PPP1R1C: variants seen among roughly 807,000 people sequenced by gnomAD.
PPP1R1C encodes protein phosphatase 1 regulatory inhibitor subunit 1C.
Under a neutral mutation model 17.4 loss-of-function variants are expected in PPP1R1C, and 15 were observed. That is an observed-to-expected ratio of 0.86 (90% CI 0.58 to 1.33). The LOEUF is 1.33. PPP1R1C is among the 40% of genes most tolerant of loss of function. The probability of loss-of-function intolerance (pLI) is 0.00; values close to 1 mark genes in which losing one functional copy is unlikely to be tolerated. For missense variants in PPP1R1C, 143 were observed against 130.0 expected, an observed-to-expected ratio of 1.10 and a Z score of -0.48; for synonymous variants, 35 against 43.1, an observed-to-expected ratio of 0.81 and a Z score of 0.73.
At chr2:182,125,137 T>C (rs983810812) in intron 5 of PPP1R1C, among the ~76,000 whole-genome samples, 1 of 152,168 alleles carries the variant, frequency 6.6e-6, no homozygotes, top group Non-Finnish European at 1.5e-5. Context: ...AAGGCCTTTT[T>C]CTGCATCTAT....
downstream of PPP1R1C, among the ~76,000 whole-genome samples, chr2:182,121,656 TTTTG>T (rs1469028980): frequency 4.0e-5 from 6 of 151,818 alleles, no homozygotes; most frequent in East Asian, 1.9e-4. Flanking sequence ...CCCAGCTGAT[TTTTG>T]TTTGTTTGTT....
At chr2:182,033,782 A>C (rs1270104451) in intron 2 of PPP1R1C, among the ~76,000 whole-genome samples, 1 of 152,166 alleles carries the variant, frequency 6.6e-6, no homozygotes, top group African/African-American at 2.4e-5. Context: ...AAAAGTTCCA[A>C]GCTCATTTGT....
At chr2:181,996,359 C>G (rs1483757366) in intron 2 of PPP1R1C, among the ~76,000 whole-genome samples, 5 of 152,164 alleles carry the variant, frequency 3.3e-5, no homozygotes, top group Non-Finnish European at 7.3e-5. Flanking sequence ...CCTTCTCCCT[C>G]CCAGTCTGTG....
At chr2:182,024,872 A>ACAAT (rs1237494412) in intron 2 of PPP1R1C, among the ~76,000 whole-genome samples, 2 of 151,750 alleles carry the variant, frequency 1.3e-5, no homozygotes, top group Non-Finnish European at 2.9e-5. Context: ...AAACAAACAA[A>ACAAT]CAAACAAACA....
At chr2:182,101,305 T>G (rs1215963110) in intron 4 of PPP1R1C, among the ~76,000 whole-genome samples, 2 of 152,172 alleles carry the variant, frequency 1.3e-5, no homozygotes, top group East Asian at 3.8e-4. Flanking sequence ...CCAATGGTGT[T>G]TTTGCTTTTA....
At chr2:182,127,122 A>G (rs574752104) in intron 5 of PPP1R1C, among the ~76,000 whole-genome samples, 35 of 152,218 alleles carry the variant, frequency 2.3e-4, no homozygotes, top group African/African-American at 7.7e-4. Flanking sequence ...AATTCTTCAG[A>G]CAAAGTGTTA....
rs576809900 is a variant in PPP1R1C at position 181,969,580 on chromosome 2, A to T, written n.112-5639A>T. On this transcript the variant is annotated intron_variant and non_coding_transcript_variant, in intron 1 of 5. Transcript: ENST00000464264. The stretch of plus-strand genomic sequence containing the variant: ...GGGAGTTTGATTATTAAATATCTTG[A>T]GGTAGTCTTATTTGAGTTAAATCTG... Among the ~76,000 whole-genome samples, 10 of 152,102 alleles carry T rather than the reference A, an allele frequency of 6.6e-5. No homozygotes were observed. The South Asian group carries it at 1.7e-3, about 25-fold the overall frequency.
intron 2 of PPP1R1C, among the ~76,000 whole-genome samples, chr2:182,050,497 C>T (rs1687479508): frequency 1.3e-5 from 2 of 152,170 alleles, no homozygotes; most frequent in Admixed American, 1.3e-4. Context: ...CACTCTCCAC[C>T]CTCCAAGCCT....
chr2:182,015,033 C>T (rs1686216374), intron 2 of PPP1R1C, among the ~76,000 whole-genome samples: 1 of 152,126 alleles, frequency 6.6e-6, no homozygotes, highest in Non-Finnish European at 1.5e-5. Flanking sequence ...CCTCTTGGTG[C>T]TCTACTCCAT....
At chr2:182,089,542 T>G (rs373784354) in intron 4 of PPP1R1C, among the ~76,000 whole-genome samples, 1 of 152,232 alleles carries the variant, frequency 6.6e-6, no homozygotes, top group Admixed American at 6.5e-5. Flanking sequence ...TAATCATAAT[T>G]GTTTATGGAT....
chr2:182,038,323 G>A (rs1422224139), intron 2 of PPP1R1C, among the ~76,000 whole-genome samples: 1 of 152,148 alleles, frequency 6.6e-6, no homozygotes, highest in Non-Finnish European at 1.5e-5. Flanking sequence ...ATAGGCACGA[G>A]CCACTGCACC....
At chr2:182,039,433 A>G (rs965800177) in intron 2 of PPP1R1C, among the ~76,000 whole-genome samples, 2 of 152,188 alleles carry the variant, frequency 1.3e-5, no homozygotes, top group Middle Eastern at 3.4e-3. Flanking sequence ...CTCCTAGGCT[A>G]GAATGCAGTG....
At chr2:182,053,430 T>C (rs1687585370) in intron 2 of PPP1R1C, among the ~76,000 whole-genome samples, 1 of 152,246 alleles carries the variant, frequency 6.6e-6, no homozygotes, top group African/African-American at 2.4e-5. Flanking sequence ...AAAATGGCTG[T>C]ATTTTGTCAT....
intron 4 of PPP1R1C, among the ~76,000 whole-genome samples, chr2:182,104,791 T>C (rs541879843): frequency 6.6e-6 from 1 of 152,356 alleles, no homozygotes; most frequent in East Asian, 1.9e-4. Context: ...AGTTTAGAAG[T>C]GTTCCCTCAT....
intron 2 of PPP1R1C, among the ~76,000 whole-genome samples, chr2:182,052,641 C>T (rs1381429622): frequency 1.3e-5 from 2 of 152,140 alleles, no homozygotes. Context: ...AAAGTGAGGC[C>T]ATCACCCCAA....
intron 4 of PPP1R1C, among the ~76,000 whole-genome samples, chr2:182,111,887 A>G (rs1049891233): frequency 6.6e-6 from 1 of 152,124 alleles, no homozygotes; most frequent in African/African-American, 2.4e-5. Context: ...ATGATTTCAG[A>G]AAATCAATGC....
At chr2:182,007,853 G>A (rs909186900) in intron 2 of PPP1R1C, among the ~76,000 whole-genome samples, 13 of 152,144 alleles carry the variant, frequency 8.5e-5, no homozygotes, top group Non-Finnish European at 1.6e-4. Context: ...ACGAGGTCAG[G>A]AGATCGAGAC....
chr2:182,070,653 G>A lies in PPP1R1C; in HGVS notation c.241+6862G>A, dbSNP rs571483306. Among the ~76,000 whole-genome samples, 92 of 152,312 alleles carry A rather than the reference G, an allele frequency of 6.0e-4. 1 individual carries two copies. Among genetic ancestry groups the A allele is most frequent in the African/African-American group, 2.1e-3 (86 of 41,566 alleles). ...TTATGTCTCATGTTAGTATGGCACA[G>A]TTATAATTGGTAAATCAATAGTTGT... On this transcript the variant is annotated intron_variant, in intron 4 of 4. Coordinates refer to ENST00000682840, the MANE Select transcript of PPP1R1C (RefSeq NM_001080545.3).
At chr2:182,015,097 C>T (rs1404366335) in intron 2 of PPP1R1C, among the ~76,000 whole-genome samples, 2 of 152,168 alleles carry the variant, frequency 1.3e-5, no homozygotes, top group Non-Finnish European at 1.5e-5. Context: ...AGTCTTCCCT[C>T]TCCTTTCTTC....
Sources: gnomAD v4.1 joint callset for allele counts (sites outside exome capture counted in the v4.1 genomes callset) on GRCh38, gnomAD v4.1.1 for gene constraint, MANE v1.5 for transcripts, NCBI Gene and HGNC (gene_info 2026-07-23, HGNC 2026-07-21) for gene names.